APTX: variants seen among roughly 807,000 people sequenced by gnomAD.
APTX encodes the protein aprataxin, also known as forkhead-associated domain histidine triad-like protein.
A neutral mutation model predicts 42.3 loss-of-function variants in APTX; 33 were observed. The ratio of observed to expected loss-of-function variants is 0.78; its 90% CI spans 0.59 to 1.04. The LOEUF (loss-of-function observed/expected upper bound fraction) is 1.04. Among genes scored for constraint, APTX ranks in the 50% least tolerant of loss-of-function variants. The pLI is 0.00. For missense variants in APTX, 421 were observed against 415.1 expected, an observed-to-expected ratio of 1.01 and a Z score of -0.12; for synonymous variants, 130 against 146.7, an observed-to-expected ratio of 0.89 and a Z score of 0.82.
chr9:32,996,746 G>A (rs1242623157), intron 1 of APTX, among the ~76,000 whole-genome samples: 1 of 152,216 alleles, frequency 6.6e-6, no homozygotes, highest in African/African-American at 2.4e-5. Flanking sequence ...TAATGTGGAT[G>A]TAATTCTACT....
At chr9:33,022,035 T>A (rs1184438704) in intron 1 of APTX, among the ~76,000 whole-genome samples, 3 of 151,174 alleles carry the variant, frequency 2.0e-5, no homozygotes, top group South Asian at 4.2e-4. Context: ...AGATTTATAT[T>A]TATAATGCTG....
At chr9:32,984,946 CCA>C in intron 5 of APTX, 89 bp from the exon 6 acceptor site, 4 of 1,238,750 alleles carry the variant, frequency 3.2e-6, no homozygotes, top group South Asian at 2.5e-5. Context: ...CACTTAATTC[CCA>C]CAGTCTTGTG....
At position 32,984,866 on chromosome 9, in the gene APTX, G is replaced by T; in HGVS notation, c.544-9C>A. 2 of 1,608,814 alleles carry T rather than the reference G, an allele frequency of 1.2e-6. No individual in the cohort carries two copies. The highest frequency in any genetic ancestry group is 8.5e-7 in the Non-Finnish European group (1 of 1,175,174). ...TGCTCATCTTTGTAAACCTAGCAGA[G>T]GGATACAAGAGAAGGAAACAGACAT... On this transcript the variant is annotated splice_polypyrimidine_tract_variant and intron_variant, in intron 5 of 7. Coordinates refer to ENST00000379817, the MANE Select transcript of APTX (RefSeq NM_001195248.2).
intron 6 of APTX, chr9:32,979,517 T>C (rs1436480112): frequency 6.5e-6 from 1 of 153,832 alleles, no homozygotes; most frequent in Non-Finnish European, 1.5e-5. Flanking sequence ...CAAAATCTAA[T>C]TTCTTAATAG....
rs754188583 is a variant in APTX at position 32,973,022 on chromosome 9, G to A, written c.*476C>T. 2.7e-4 allele frequency: 122 copies of A among 454,050 alleles called. No homozygotes were observed. The highest frequency in any genetic ancestry group is 3.4e-4 in the South Asian group (22 of 64,482). The allele number at this position is 454,050 out of a possible 1,614,324, so 28.1% of individuals were successfully genotyped here. A position where few individuals can be genotyped will look rare whatever the true frequency, so the allele number is the denominator to read the frequency against. On this transcript the variant is annotated 3_prime_UTR_variant, in exon 8 of 8. Transcript: ENST00000379817. ...AACTAAGCCTCCCCATGAAGGAAGG[G>A]AAAAGAATATTACAAAACAGACTAA...
Position 32,987,644 on chromosome 9 carries a change from G to A in APTX, c.383C>T (p.Ala128Val). 1 of 1,614,192 alleles carries A rather than the reference G, an allele frequency of 6.2e-7. No homozygotes were observed. The highest frequency in any genetic ancestry group is 1.1e-5 in the South Asian group (1 of 91,086). Reference protein sequence around the residue: ...SGNSDSIERDAAQEAEAGTGL... With the variant: ...SGNSDSIERDVAQEAEAGTGL... ...TGTCCCAGCCTCAGCTTCCTGAGCA[G>A]CATCCCTTTCTATAGAATCACTGTT... The change falls in exon 4 of 8, where the codon GCT becomes GTT. Residue 128 changes from alanine (A) to valine (V), a missense_variant. Ala to Val is a moderately conservative substitution (Grantham distance 64). Transcript: ENST00000379817.
intron 1 of APTX, among the ~76,000 whole-genome samples, chr9:33,017,075 G>A (rs1315351348): frequency 6.6e-6 from 1 of 152,140 alleles, no homozygotes; most frequent in African/African-American, 2.4e-5. Flanking sequence ...GGGTGGAGGG[G>A]CTTCAAACCA....
chr9:33,001,737 G>C, upstream of APTX: 2 of 1,230,418 alleles, frequency 1.6e-6, no homozygotes, highest in Non-Finnish European at 2.3e-6. Flanking sequence ...AAAAGCGTCC[G>C]CCCCAATTGG....
intron 1 of APTX, among the ~76,000 whole-genome samples, chr9:32,991,409 G>A (rs1833605476): frequency 1.3e-5 from 2 of 152,278 alleles, no homozygotes; most frequent in South Asian, 4.1e-4. Context: ...GAAGCAAAGG[G>A]GATGGAGAGC....
upstream of APTX, among the ~76,000 whole-genome samples, chr9:33,005,250 T>A (rs560315448): frequency 6.9e-4 from 105 of 152,226 alleles, no homozygotes; most frequent in African/African-American, 2.4e-3. Context: ...AAAACTTAAT[T>A]GTGAAGTACT....
intron 1 of APTX, among the ~76,000 whole-genome samples, chr9:32,995,070 G>A (rs1834499229): frequency 2.6e-5 from 4 of 152,138 alleles, no homozygotes; most frequent in African/African-American, 9.7e-5. Flanking sequence ...CCCTGATGGA[G>A]ATATATTATA....
At chr9:33,024,790 G>A (rs1410106248) in intron 1 of APTX, 1 of 148,482 alleles carries the variant, frequency 6.7e-6, no homozygotes, top group East Asian at 2.0e-4. Context: ...TATTGGTCTG[G>A]GGACTAGACC....
At chr9:32,991,250 G>C (rs1833553669) in intron 1 of APTX, among the ~76,000 whole-genome samples, 1 of 152,150 alleles carries the variant, frequency 6.6e-6, no homozygotes, top group Admixed American at 6.5e-5. Context: ...TCTAAAGTGT[G>C]AATGTGACAA....
chr9:33,003,047 C>A (rs1176496515), upstream of APTX, among the ~76,000 whole-genome samples: 1 of 152,110 alleles, frequency 6.6e-6, no homozygotes, highest in Non-Finnish European at 1.5e-5. Context: ...TCACAACTGC[C>A]CAAGATAAAA....
intron 1 of APTX, among the ~76,000 whole-genome samples, chr9:32,995,530 G>A (rs111233588): frequency 5.3e-4 from 80 of 152,278 alleles, no homozygotes; most frequent in African/African-American, 1.8e-3. Context: ...TTATGGATGT[G>A]CAAAGAAAAC....
intron 1 of APTX, among the ~76,000 whole-genome samples, chr9:33,022,106 C>G (rs527746400): frequency 6.6e-5 from 10 of 152,074 alleles, no homozygotes; most frequent in Admixed American, 3.3e-4. Flanking sequence ...CACAATTTAT[C>G]TACATAAAAA....
Position 32,987,762 on chromosome 9 carries a change from T to C in APTX, c.265A>G (p.Met89Val), listed in dbSNP as rs763843105. 2.3e-5 allele frequency: 37 copies of C among 1,614,240 alleles called. No homozygotes were observed. Among genetic ancestry groups the C allele is most frequent in the Non-Finnish European group, 2.8e-5 (33 of 1,180,034 alleles). ...ATATATGGATAAAGTTCATTCACCA[T>C]GTGGAGAACCTGGCCAGGCTGCAGC... is the stretch of plus-strand genomic sequence containing the variant. ...VKLQPGQVLH[M>V]VNELYPYIVE... Residue 89 changes from methionine (M) to valine (V), a missense_variant, in exon 4 of 8, where the codon ATG becomes GTG. Transcript: ENST00000379817.
chr9:32,989,569 A>G (rs1833048417), intron 2 of APTX, 190 bp downstream of exon 2: 2 of 869,928 alleles, frequency 2.3e-6, no homozygotes, highest in Admixed American at 1.9e-5. Flanking sequence ...CCCTGCCTTG[A>G]ACATTATCAC....
chr9:32,975,772 A>G (rs1829235434), intron 6 of APTX, among the ~76,000 whole-genome samples: 1 of 152,218 alleles, frequency 6.6e-6, no homozygotes, highest in Non-Finnish European at 1.5e-5. Context: ...ATGAGCTGAC[A>G]AAGTAGAGGT....
Sources: allele counts gnomAD v4.1 joint callset (sites outside exome capture counted in the v4.1 genomes callset), GRCh38; gene constraint gnomAD v4.1.1; transcripts MANE v1.5; gene names NCBI Gene and HGNC (gene_info 2026-07-23, HGNC 2026-07-21).